GGCT: variants seen among roughly 807,000 people sequenced by gnomAD.
GGCT encodes the protein gamma-glutamylcyclotransferase.
GGCT carries 20 observed loss-of-function variants against 22.1 expected under a neutral mutation model. That is an observed-to-expected ratio of 0.91 (90% CI 0.64 to 1.32). GGCT has a LOEUF of 1.32. GGCT is among the 40% of genes most tolerant of loss of function. GGCT has a pLI of 0.00. For synonymous variants in GGCT, 72 were observed against 78.4 expected (o/e 0.92, Z 0.43); for missense variants, 209 against 223.5 (o/e 0.94, Z 0.41).
In GGCT at chr7:30,500,531, C is replaced by T; in HGVS notation, c.287+5G>A. ...CTGTTTAACTTATAATTAGAAGCCA[C>T]CTACTCATCCAGAGAATTTAAATTG... On this transcript the variant is annotated splice_donor_5th_base_variant and intron_variant, in intron 2 of 3. Coordinates refer to ENST00000275428, the MANE Select transcript of GGCT (RefSeq NM_024051.4). 1 of 1,607,998 alleles carries T rather than the reference C, an allele frequency of 6.2e-7. No homozygotes were observed. Among genetic ancestry groups the T allele is most frequent in the Non-Finnish European group, 8.5e-7 (1 of 1,174,936 alleles).
intron 3 of GGCT, chr7:30,497,728 G>A: frequency 1.5e-6 from 2 of 1,349,852 alleles, no homozygotes; most frequent in Non-Finnish European, 1.9e-6. Context: ...ACGAGGCCTA[G>A]GAACCAGATT....
At position 30,497,155 on chromosome 7, in the gene GGCT, A is replaced by G. The variant is rs1346416840; in HGVS notation, c.504T>C (p.Tyr168=). The G allele has an allele frequency of 1.2e-6, 2 of 1,609,244 alleles. No individual in the cohort carries two copies. The highest frequency in any genetic ancestry group is 1.1e-5 in the South Asian group (1 of 90,876). ...EKLKAIEPND[Y]TGKVSEEIED... ...CAATTTCTTCTGAGACCTTTCCTGT[A>G]TAGTCATTTGGTTCTATTGCTTTTA... The change falls in exon 4 of 4, where the codon TAT becomes TAC. Residue 168 remains tyrosine (Y), a synonymous_variant. Coordinates refer to ENST00000275428, the MANE Select transcript of GGCT (RefSeq NM_024051.4).
chr7:30,503,569 C>T (rs1198603292), intron 1 of GGCT, among the ~76,000 whole-genome samples: 1 of 152,126 alleles, frequency 6.6e-6, no homozygotes, highest in Non-Finnish European at 1.5e-5. Context: ...CAGAGGCAGG[C>T]AGTGTCCAGG....
intron 2 of GGCT, among the ~76,000 whole-genome samples, chr7:30,499,522 G>A (rs1789645008): frequency 1.3e-5 from 2 of 150,970 alleles, no homozygotes; most frequent in South Asian, 4.2e-4. Context: ...TGACCAACAT[G>A]GAGAAACCTT....
Position 30,504,620 on chromosome 7 carries a change from CCT to C in GGCT, c.88_89del (p.Arg30AspfsTer20), listed in dbSNP as rs748515382. 5 of 1,614,002 alleles carry C rather than the reference CCT, an allele frequency of 3.1e-6. No homozygotes were observed. Among genetic ancestry groups the C allele is most frequent in the Non-Finnish European group, 3.4e-6 (4 of 1,179,980 alleles). ...FAYGSNLLTE[R>X]IHLRNPSAAF... ...CCGCCGAGGGGTTTCGGAGGTGGAT[CCT>C]CTCTGTCAGCAGGTTGCTGCCGTAG... is the stretch of plus-strand genomic sequence containing the variant. On this transcript the variant is annotated frameshift_variant, in exon 1 of 4. Transcript: ENST00000275428. LOFTEE classifies it high-confidence loss of function.
At chr7:30,498,463 A>T (rs1414297744) in intron 3 of GGCT, among the ~76,000 whole-genome samples, 1 of 152,138 alleles carries the variant, frequency 6.6e-6, no homozygotes, top group Non-Finnish European at 1.5e-5. Flanking sequence ...ACTATCACCC[A>T]GGCTGGAGTG....
chr7:30,499,745 C>T (rs1007171677), intron 2 of GGCT, among the ~76,000 whole-genome samples: 1 of 150,808 alleles, frequency 6.6e-6, no homozygotes, highest in African/African-American at 2.4e-5. Context: ...CTTAGCATTT[C>T]AATTAGAAGG....
chr7:30,498,024 G>T (rs4720005), intron 3 of GGCT: 76,265 of 187,656 alleles, frequency 0.41, 20,125 homozygotes, highest in Non-Finnish European at 0.5. Context: ...TATATATATA[G>T]ATACACACAC....
At chr7:30,499,975 G>C (rs2128123866) in intron 2 of GGCT, among the ~76,000 whole-genome samples, 1 of 152,162 alleles carries the variant, frequency 6.6e-6, no homozygotes, top group South Asian at 2.1e-4. Context: ...GTGAGGTAAA[G>C]TATCGAGCAT....
At chr7:30,498,310 A>G (rs1170409445) in intron 3 of GGCT, among the ~76,000 whole-genome samples, 3 of 152,076 alleles carry the variant, frequency 2.0e-5, no homozygotes, top group African/African-American at 7.2e-5. Flanking sequence ...ATCATTACAC[A>G]TAATATTTTT....
At chr7:30,498,370 T>C (rs1393219766) in intron 3 of GGCT, among the ~76,000 whole-genome samples, 1 of 152,132 alleles carries the variant, frequency 6.6e-6, no homozygotes, top group Admixed American at 6.5e-5. Context: ...TAAAAACATT[T>C]TTATTAAAAT....
In GGCT at chr7:30,497,042, A is replaced by C. The variant is rs1789555438; in HGVS notation, c.*50T>G. 2 of 1,272,540 alleles carry C rather than the reference A, an allele frequency of 1.6e-6. No individual in the cohort carries two copies. The highest frequency in any genetic ancestry group is 3.1e-5 in the African/African-American group (2 of 65,452). 78.8% of individuals were successfully genotyped at this position (1,272,540 alleles called of 1,614,324 possible). A position where few individuals can be genotyped will look rare whatever the true frequency, so the allele number is the denominator to read the frequency against. Reference sequence around the variant, plus strand: ...CAGATCCCTGTTCTCAAGTGTTAAAAATATTTTATATTAGCACATAGAATA... The same window carrying C: ...CAGATCCCTGTTCTCAAGTGTTAAACATATTTTATATTAGCACATAGAATA... On this transcript the variant is annotated 3_prime_UTR_variant, in exon 4 of 4. Coordinates refer to ENST00000275428, the MANE Select transcript of GGCT (RefSeq NM_024051.4).
intron 3 of GGCT, chr7:30,497,630 TG>T (rs1299872123): frequency 2.5e-5 from 13 of 529,460 alleles, no homozygotes; most frequent in Non-Finnish European, 3.9e-5. Flanking sequence ...GAATTGGACA[TG>T]GGGGAATAAA....
rs1377443550 is a variant in GGCT, at chr7:30,496,868, A to G, written c.*224T>C. The G allele has an allele frequency of 3.0e-6, 1 of 335,624 alleles. No homozygotes were observed. Among genetic ancestry groups the G allele is most frequent in the African/African-American group, 2.1e-5 (1 of 46,750 alleles). The allele number at this position is 335,624 out of a possible 1,614,324, so 20.8% of individuals were successfully genotyped here. On this transcript the variant is annotated 3_prime_UTR_variant, in exon 4 of 4. Coordinates refer to ENST00000275428, the MANE Select transcript of GGCT (RefSeq NM_024051.4). ...GTTCACAGAAGGGGTACTCACATTCATTTGTCACATATTTCAGGCCCTCAT... is the reference window on the plus strand; with the variant it reads ...GTTCACAGAAGGGGTACTCACATTCGTTTGTCACATATTTCAGGCCCTCAT...
chr7:30,501,067 G>A (rs1433195377), intron 1 of GGCT, among the ~76,000 whole-genome samples: 1 of 152,122 alleles, frequency 6.6e-6, no homozygotes, highest in African/African-American at 2.4e-5. Flanking sequence ...ATGGCTACAT[G>A]TGGGTTATAA....
At chr7:30,501,557 C>T (rs1789703867) in intron 1 of GGCT, among the ~76,000 whole-genome samples, 1 of 152,118 alleles carries the variant, frequency 6.6e-6, no homozygotes, top group African/African-American at 2.4e-5. Flanking sequence ...TAACTTCTTT[C>T]CTCACAGAGG....
At chr7:30,497,854 AT>A in intron 3 of GGCT, 1 of 1,447,320 alleles carries the variant, frequency 6.9e-7, no homozygotes, top group Non-Finnish European at 9.2e-7. Context: ...TGCAAGGGTG[AT>A]TTCCCTGATT....
intron 1 of GGCT, among the ~76,000 whole-genome samples, chr7:30,501,883 G>C (rs1297217130): frequency 1.3e-5 from 2 of 152,246 alleles, no homozygotes; most frequent in Non-Finnish European, 2.9e-5. Flanking sequence ...CAGCATAAGA[G>C]ATGTTCTTCT....
intron 2 of GGCT, 78 bp from the exon 3 acceptor site, chr7:30,499,016 G>T: frequency 7.9e-7 from 1 of 1,264,032 alleles, no homozygotes. Flanking sequence ...TTTTATAATA[G>T]TCAAGATGGT....
Sources: gnomAD v4.1 joint callset for allele counts (sites outside exome capture counted in the v4.1 genomes callset) on GRCh38, gnomAD v4.1.1 for gene constraint, MANE v1.5 for transcripts, NCBI Gene and HGNC (gene_info 2026-07-23, HGNC 2026-07-21) for gene names.